Variants in PTPRN2 observed in about 807,000 individuals in gnomAD.
PTPRN2 encodes receptor-type tyrosine-protein phosphatase N2.
A neutral mutation model predicts 118.8 loss-of-function variants in PTPRN2; 74 were observed. The ratio of observed to expected loss-of-function variants is 0.62; its 90% confidence interval spans 0.52 to 0.76. PTPRN2 has a LOEUF of 0.76. Among genes scored for constraint, PTPRN2 ranks in the 30% least tolerant of loss-of-function variants. PTPRN2 has a pLI of 0.00. For synonymous variants in PTPRN2, 641 were observed against 608.0 expected (o/e 1.05, Z -0.80); for missense variants, 1,481 against 1,394.4 (o/e 1.06, Z -0.99).
chr7:157,931,665 T>TA (rs34976303), intron 11 of PTPRN2, among the ~76,000 whole-genome samples: 26,489 of 152,168 alleles, frequency 0.17, 3,077 homozygotes, highest in East Asian at 0.37. Flanking sequence ...CTCTGGCTCT[T>TA]ACATGACGAG....
At chr7:157,890,387 A>G (rs1399217624) in intron 12 of PTPRN2, among the ~76,000 whole-genome samples, 1 of 152,216 alleles carries the variant, frequency 6.6e-6, no homozygotes, top group Non-Finnish European at 1.5e-5. Flanking sequence ...CAGGCTTGTA[A>G]TCCCAGCACT....
intron 6 of PTPRN2, among the ~76,000 whole-genome samples, chr7:158,140,464 C>G (rs1585584737): frequency 6.6e-6 from 1 of 152,290 alleles, no homozygotes; most frequent in Middle Eastern, 3.4e-3. Flanking sequence ...AGTCCATGTG[C>G]CCGGCAGCAG....
At chr7:158,398,595 G>C (rs868022085) in intron 2 of PTPRN2, among the ~76,000 whole-genome samples, 2 of 152,210 alleles carry the variant, frequency 1.3e-5, no homozygotes, top group Middle Eastern at 3.2e-3. Flanking sequence ...CTTGCACATA[G>C]TTTGAAAAAT....
At chr7:157,885,772 G>A (rs1796417910) in intron 12 of PTPRN2, among the ~76,000 whole-genome samples, 1 of 152,236 alleles carries the variant, frequency 6.6e-6, no homozygotes, top group South Asian at 2.1e-4. Context: ...TTGATGTGGG[G>A]CTCAGTGTAG....
At chr7:158,295,000 T>A (rs12690719) in intron 3 of PTPRN2, among the ~76,000 whole-genome samples, 2 of 113,028 alleles carry the variant, frequency 1.8e-5, no homozygotes, top group Admixed American at 8.5e-5. Context: ...GCCCAGACAC[T>A]GCACCACCTT....
Position 158,110,495 on chromosome 7 carries a change from C to T in PTPRN2, c.1643+334G>A, listed in dbSNP as rs532953745. ...ACAGCAGGTGCTCATGAACGCTGCA[C>T]AGTGTTCTCTGGGGTGGGCCCTCCA... On this transcript the variant is annotated intron_variant, in intron 10 of 22. Coordinates refer to ENST00000389418, the MANE Select transcript of PTPRN2 (RefSeq NM_002847.5). Among the ~76,000 whole-genome samples the T allele has an allele frequency of 6.0e-3, 910 of 152,284 alleles. 9 individuals carry two copies. The highest frequency in any genetic ancestry group is 0.02 in the African/African-American group (839 of 41,554).
intron 12 of PTPRN2, among the ~76,000 whole-genome samples, chr7:157,714,734 G>A (rs1219102684): frequency 3.9e-5 from 6 of 152,194 alleles, no homozygotes; most frequent in Admixed American, 6.5e-5. Flanking sequence ...TGGGTTTCCC[G>A]TTTTCTAAAG....
In PTPRN2 at chr7:158,244,533, T is replaced by A. The variant is rs1184843757; in HGVS notation, c.278-39260A>T. Among the ~76,000 whole-genome samples the A allele has an allele frequency of 2.2e-5, 3 of 134,706 alleles. No homozygotes were observed. In the East Asian group the frequency reaches 6.8e-4, roughly 30 times the overall value. 88.4% of individuals were successfully genotyped at this position (134,706 alleles called of 152,430 possible). A position where few individuals can be genotyped will look rare whatever the true frequency, so the allele number is the denominator to read the frequency against. ...TGTGAGCTGTGTGTGAGGGTGTGTG[T>A]GAATGAGCATGTTTTTTGTGTGTGT... On this transcript the variant is annotated intron_variant, in intron 3 of 22. Transcript: ENST00000389418.
At chr7:158,230,977 A>G (rs749398415) in intron 3 of PTPRN2, among the ~76,000 whole-genome samples, 26 of 152,224 alleles carry the variant, frequency 1.7e-4, no homozygotes, top group Non-Finnish European at 3.4e-4. Flanking sequence ...ATAGAAAAAT[A>G]TATTTCAGGC....
intron 11 of PTPRN2, among the ~76,000 whole-genome samples, chr7:157,922,734 C>T (rs115223054): frequency 0.014 from 2,121 of 152,236 alleles, 42 homozygotes; most frequent in African/African-American, 0.047. Context: ...TTAGCAAGCT[C>T]GATGTCACGG....
At chr7:158,541,938 A>G (rs1429807338) in intron 1 of PTPRN2, among the ~76,000 whole-genome samples, 2 of 152,264 alleles carry the variant, frequency 1.3e-5, no homozygotes, top group African/African-American at 4.8e-5. Context: ...CTCACTTCAG[A>G]AAACAGCAAG....
intron 1 of PTPRN2, among the ~76,000 whole-genome samples, chr7:158,524,059 T>G (rs1464356577): frequency 1.2e-4 from 9 of 72,902 alleles, no homozygotes; most frequent in Admixed American, 1.6e-4. Context: ...TGGAGTGGAG[T>G]CGTCTGCCCT....
At chr7:157,623,762 G>A (rs574846850) in intron 14 of PTPRN2, among the ~76,000 whole-genome samples, 88 of 152,268 alleles carry the variant, frequency 5.8e-4, no homozygotes, top group African/African-American at 2.0e-3. Context: ...GCAGAGGCAC[G>A]TGACTCTATT....
chr7:158,479,469 A>G (rs1466262075), intron 2 of PTPRN2, among the ~76,000 whole-genome samples: 1 of 152,146 alleles, frequency 6.6e-6, no homozygotes, highest in Non-Finnish European at 1.5e-5. Flanking sequence ...TTTCATGATT[A>G]GCAATCACAG....
chr7:157,894,085 G>T (rs903626638), intron 12 of PTPRN2, among the ~76,000 whole-genome samples: 1 of 152,144 alleles, frequency 6.6e-6, no homozygotes, highest in African/African-American at 2.4e-5. Context: ...CCTGCCTGAC[G>T]CATATAAATA....
chr7:158,556,165 G>A (rs1826972647), intron 1 of PTPRN2, among the ~76,000 whole-genome samples: 1 of 152,194 alleles, frequency 6.6e-6, no homozygotes, highest in South Asian at 2.1e-4. Flanking sequence ...AGATATAGAT[G>A]GGTGATTGAT....
intron 17 of PTPRN2, among the ~76,000 whole-genome samples, chr7:157,586,932 C>A (rs541599257): frequency 3.9e-5 from 6 of 152,220 alleles, no homozygotes; most frequent in Non-Finnish European, 8.8e-5. Context: ...CCATCCCCTC[C>A]ACCGGGGCCA....
At chr7:158,487,272 G>A (rs936577347) in intron 2 of PTPRN2, among the ~76,000 whole-genome samples, 5 of 152,184 alleles carry the variant, frequency 3.3e-5, no homozygotes, top group African/African-American at 1.2e-4. Context: ...TGCTTCCTGT[G>A]TTATGGGGTA....
intron 1 of PTPRN2, among the ~76,000 whole-genome samples, chr7:158,538,590 C>T (rs1363026623): frequency 3.3e-5 from 5 of 152,190 alleles, no homozygotes; most frequent in African/African-American, 1.2e-4. Context: ...ATGGGACCTG[C>T]AGAGACGCAT....
Sources: allele counts gnomAD v4.1 joint callset (sites outside exome capture counted in the v4.1 genomes callset), GRCh38; gene constraint gnomAD v4.1.1; transcripts MANE v1.5; gene names NCBI Gene and HGNC (gene_info 2026-07-23, HGNC 2026-07-21).